CUL4A: variants seen among roughly 807,000 people sequenced by gnomAD.
CUL4A encodes cullin-4A.
A neutral mutation model predicts 95.5 loss-of-function variants in CUL4A; 16 were observed. The observed-to-expected ratio is 0.17, with a 90% CI of 0.11 to 0.25. The LOEUF (loss-of-function observed/expected upper bound fraction) is 0.25. CUL4A is among the 10% of genes least tolerant of loss of function. The pLI is 1.00. For synonymous variants in CUL4A, 380 were observed against 353.1 expected (o/e 1.08, Z -0.85); for missense variants, 610 against 937.0 (o/e 0.65, Z 4.56).
intron 9 of CUL4A, among the ~76,000 whole-genome samples, chr13:113,238,913 C>T (rs970073118): frequency 6.6e-6 from 1 of 152,180 alleles, no homozygotes; most frequent in African/African-American, 2.4e-5. Flanking sequence ...GGTATGGTTT[C>T]AGAAAACCGT....
intron 9 of CUL4A, among the ~76,000 whole-genome samples, chr13:113,237,720 CCTT>C (rs1460968213): frequency 3.3e-5 from 5 of 152,078 alleles, no homozygotes; most frequent in Non-Finnish European, 5.9e-5. Flanking sequence ...CCATTGGAAA[CCTT>C]AAAGTTTAAT....
In CUL4A at chr13:113,264,946, TA is replaced by T. The variant is rs1459439891; in HGVS notation, c.*1365del. The T allele has an allele frequency of 9.9e-4, 11 of 11,114 alleles. No homozygotes were observed. The highest frequency in any genetic ancestry group is 0.026 in the East Asian group (1 of 38). 0.7% of individuals were successfully genotyped at this position (11,114 alleles called of 1,614,324 possible). ...GTCTAAGAAAGACCAAACAGATTTC[TA>T]TTTTTTTTTTCTTATAAGTTCGTTG... On this transcript the variant is annotated 3_prime_UTR_variant, in exon 20 of 20. Transcript: ENST00000375440.
In CUL4A at chr13:113,229,486, A is replaced by G; in HGVS notation, c.479A>G (p.Tyr160Cys). Reference protein sequence around the residue: ...RSIFLFLDRTYVLQNSTLPSI... With the variant: ...RSIFLFLDRTCVLQNSTLPSI... ...ATCTTCCTGTTCTTGGACCGCACCT[A>G]TGTGCTGCAGAACTCCACGCTGCCC... The change falls in exon 5 of 20, where the codon TAT becomes TGT. Residue 160 changes from tyrosine (Y) to cysteine (C), a missense_variant. Transcript: ENST00000375440. 1 of 1,613,754 alleles carries G rather than the reference A, an allele frequency of 6.2e-7. No homozygotes were observed. The highest frequency in any genetic ancestry group is 8.5e-7 in the Non-Finnish European group (1 of 1,180,022).
intron 18 of CUL4A, among the ~76,000 whole-genome samples, chr13:113,258,355 T>C (rs554674552): frequency 1.3e-5 from 2 of 152,300 alleles, no homozygotes; most frequent in South Asian, 4.1e-4. Flanking sequence ...TTGACAATAA[T>C]TGTATCACGC....
At chr13:113,236,341 G>C (rs2041543011) in intron 8 of CUL4A, among the ~76,000 whole-genome samples, 1 of 152,166 alleles carries the variant, frequency 6.6e-6, no homozygotes, top group South Asian at 2.1e-4. Context: ...CAGCAGCCAG[G>C]GAAGTCCGGG....
At chr13:113,242,512 A>G (rs575071383) in intron 10 of CUL4A, among the ~76,000 whole-genome samples, 47 of 152,292 alleles carry the variant, frequency 3.1e-4, no homozygotes, top group African/African-American at 1.1e-3. Flanking sequence ...TATTCACACC[A>G]AGCACAGGGG....
In CUL4A at chr13:113,263,627, C is replaced by G; in HGVS notation, c.*45C>G. 8.0e-7 allele frequency: 1 copy of G among 1,246,070 alleles called. No homozygotes were observed. Among genetic ancestry groups the G allele is most frequent in the Non-Finnish European group, 1.1e-6 (1 of 871,202 alleles). The allele number at this position is 1,246,070 out of a possible 1,614,324, so 77.2% of individuals were successfully genotyped here. A position where few individuals can be genotyped will look rare whatever the true frequency, so the allele number is the denominator to read the frequency against. On this transcript the variant is annotated 3_prime_UTR_variant, in exon 20 of 20. Transcript: ENST00000375440. ...CCTTCATGAAACACTAGAATGTACC[C>G]TCAGAGCAGGAAGCACACCTGTGCC...
chr13:113,233,726 G>C (rs2041443425), intron 6 of CUL4A, among the ~76,000 whole-genome samples, 171 bp from the exon 7 acceptor site: 1 of 152,218 alleles, frequency 6.6e-6, no homozygotes, highest in Non-Finnish European at 1.5e-5. Flanking sequence ...GAACAGAGGA[G>C]GGCCTGCCCG....
chr13:113,257,931 A>C (rs1474981902), intron 18 of CUL4A, among the ~76,000 whole-genome samples: 2 of 152,164 alleles, frequency 1.3e-5, no homozygotes, highest in African/African-American at 4.8e-5. Context: ...TTATCACCTT[A>C]TTATGTATCA....
rs1262774573 is a variant in CUL4A, at chr13:113,229,506, C to T, written c.499C>T (p.Leu167=). ...DRTYVLQNST[L]PSIWDMGLEL... ...CACCTATGTGCTGCAGAACTCCACG[C>T]TGCCCTCCATCTGGTGAGTGTCCTC... Residue 167 remains leucine, a synonymous_variant, in exon 5 of 20, where the codon CTG becomes TTG. Coordinates refer to ENST00000375440, the MANE Select transcript of CUL4A (RefSeq NM_001008895.4). 4 of 1,613,408 alleles carry T rather than the reference C, an allele frequency of 2.5e-6. No individual in the cohort carries two copies. The highest frequency in any genetic ancestry group is 2.2e-5 in the South Asian group (2 of 91,046).
rs2139322423 is a variant in CUL4A, at chr13:113,263,722, A to G, written c.*140A>G. The G allele has an allele frequency of 2.0e-6, 1 of 508,594 alleles. No individual in the cohort carries two copies. The highest frequency in any genetic ancestry group is 3.5e-6 in the Non-Finnish European group (1 of 285,302). 31.5% of individuals were successfully genotyped at this position (508,594 alleles called of 1,614,324 possible). ...AAGGAAGGGAGGTGGCTCCTGGGTC[A>G]TCTTTCACAAGGCTCAAGACTTCAA... is the stretch of plus-strand genomic sequence containing the variant. On this transcript the variant is annotated 3_prime_UTR_variant, in exon 20 of 20. Coordinates refer to ENST00000375440, the MANE Select transcript of CUL4A (RefSeq NM_001008895.4).
chr13:113,210,108 TG>T lies in CUL4A; in HGVS notation c.264+24del, dbSNP rs1420701197. 1 of 1,450,082 alleles carries T rather than the reference TG, an allele frequency of 6.9e-7. No homozygotes were observed. The highest frequency in any genetic ancestry group is 9.2e-7 in the Non-Finnish European group (1 of 1,087,986). 89.8% of individuals were successfully genotyped at this position (1,450,082 alleles called of 1,614,324 possible). A position where few individuals can be genotyped will look rare whatever the true frequency, so the allele number is the denominator to read the frequency against. On this transcript the variant is annotated intron_variant, in intron 2 of 19. Coordinates refer to ENST00000375440, the MANE Select transcript of CUL4A (RefSeq NM_001008895.4). ...TACCAGGTGAGGCGGCGGCCGGGGC[TG>T]GGGACGCCGCTCCTGCCCCGCGTGA...
At chr13:113,226,339 G>C (rs1353939560) in intron 3 of CUL4A, among the ~76,000 whole-genome samples, 2 of 152,182 alleles carry the variant, frequency 1.3e-5, no homozygotes, top group Non-Finnish European at 2.9e-5. Context: ...TTGCTGACAG[G>C]CGGTGGATCA....
In CUL4A at chr13:113,255,981, CT is replaced by C. The variant is rs1367629155; in HGVS notation, c.2031+861del. On this transcript the variant is annotated intron_variant, in intron 18 of 19. Transcript: ENST00000375440. ...TCTCCCGAAGGTAACCACTACTGCC[CT>C]TTTTGTTTGTGGTCACAGCCTTTTT... Among the ~76,000 whole-genome samples the C allele has an allele frequency of 3.9e-5, 6 of 152,124 alleles. No individual in the cohort carries two copies. The East Asian group carries it at 9.6e-4, about 24-fold the overall frequency.
At position 113,233,308 on chromosome 13, in the gene CUL4A, G is replaced by A. The variant is rs181414356; in HGVS notation, c.644G>A (p.Arg215Gln). 9.3e-6 allele frequency: 15 copies of A among 1,613,270 alleles called. No homozygotes were observed. The highest frequency in any genetic ancestry group is 1.8e-4 in the Middle Eastern group (1 of 5,564). ...SGEAVDRSLL[R>Q]SLLGMLSDLQ... ...GAGGCCGTGGACCGGAGCCTGTTGCGGAGCCTCCTGGGCATGCTGTCTGAC... is the reference window on the plus strand; with the variant it reads ...GAGGCCGTGGACCGGAGCCTGTTGCAGAGCCTCCTGGGCATGCTGTCTGAC... Residue 215 changes from arginine to glutamine, a missense_variant, in exon 6 of 20, where the codon CGG (arginine) becomes CAG (glutamine). Coordinates refer to ENST00000375440, the MANE Select transcript of CUL4A (RefSeq NM_001008895.4).
Position 113,254,933 on chromosome 13 carries a change from T to C in CUL4A, c.1859-20T>C. On this transcript the variant is annotated intron_variant, in intron 17 of 19. Coordinates refer to ENST00000375440, the MANE Select transcript of CUL4A (RefSeq NM_001008895.4). ...CATTCGTTTAACGCCAGCCTTTGCC[T>C]GCATTTGCTTCCCATTCAGAGGATA... 7 of 1,607,832 alleles carry C rather than the reference T, an allele frequency of 4.4e-6. No homozygotes were observed. The highest frequency in any genetic ancestry group is 2.5e-6 in the Non-Finnish European group (3 of 1,176,908).
intron 2 of CUL4A, among the ~76,000 whole-genome samples, chr13:113,210,733 A>T (rs564883256): frequency 6.6e-6 from 1 of 152,324 alleles, no homozygotes; most frequent in Non-Finnish European, 1.5e-5. Flanking sequence ...CAGTAGTCTA[A>T]TATCTATATT....
intron 16 of CUL4A, among the ~76,000 whole-genome samples, chr13:113,254,301 C>T (rs748642823): frequency 1.3e-5 from 2 of 152,158 alleles, no homozygotes; most frequent in Non-Finnish European, 2.9e-5. Context: ...TGCATTCACC[C>T]CTACGTTACA....
intron 15 of CUL4A, among the ~76,000 whole-genome samples, chr13:113,246,566 A>T (rs1272218119): frequency 2.0e-5 from 3 of 152,202 alleles, no homozygotes; most frequent in African/African-American, 7.2e-5. Context: ...AAGGGCTGAG[A>T]CCAGCCTGCA....
Sources: allele counts gnomAD v4.1 joint callset (sites outside exome capture counted in the v4.1 genomes callset), GRCh38; gene constraint gnomAD v4.1.1; transcripts MANE v1.5; gene names NCBI Gene and HGNC (gene_info 2026-07-23, HGNC 2026-07-21).